The following CNNM2 variants were observed in gnomAD, a reference collection of about 807,000 sequenced individuals.
CNNM2 encodes the protein cyclin and CBS domain divalent metal cation transport mediator 2, also known as metal transporter CNNM2.
In CNNM2, 12 loss-of-function variants were observed where a neutral mutation model predicts 66.9. The ratio of observed to expected loss-of-function variants is 0.18; its 90% CI spans 0.11 to 0.29. The LOEUF is 0.29. Ranked by LOEUF, CNNM2 falls within the 10% of genes least tolerant of loss-of-function variation. CNNM2 has a pLI of 1.00. For synonymous variants in CNNM2, 557 were observed against 501.8 expected (o/e 1.11, Z -1.47); for missense variants, 705 against 1,167.7 (o/e 0.60, Z 5.77).
rs193232316 is a variant in CNNM2, at chr10:103,060,332, C to T, written c.2073+3368C>T. Among the ~76,000 whole-genome samples, 340 of 152,238 alleles carry T rather than the reference C, an allele frequency of 2.2e-3. 4 individuals are homozygous for T. Among genetic ancestry groups the T allele is most frequent in the African/African-American group, 7.7e-3 (321 of 41,532 alleles). On this transcript the variant is annotated intron_variant, in intron 4 of 7. Coordinates refer to ENST00000369878, the MANE Select transcript of CNNM2 (RefSeq NM_017649.5). Reference sequence around the variant, plus strand: ...ATCCCAGAACTTTGGGAGGTTGAGGCGGGCAGATCACTTGAGTCCAGGAGT... The same window carrying T: ...ATCCCAGAACTTTGGGAGGTTGAGGTGGGCAGATCACTTGAGTCCAGGAGT...
At chr10:102,925,152 C>T (rs1260400524) in intron 1 of CNNM2, among the ~76,000 whole-genome samples, 4 of 151,688 alleles carry the variant, frequency 2.6e-5, no homozygotes, top group Admixed American at 6.6e-5. Flanking sequence ...CAAAATTAGC[C>T]GGGCATGGTG....
chr10:103,074,106 G>A (rs768741411), intron 6 of CNNM2, among the ~76,000 whole-genome samples: 4 of 152,080 alleles, frequency 2.6e-5, no homozygotes, highest in Non-Finnish European at 5.9e-5. Context: ...TAGTCAACAC[G>A]GTGAAACCCC....
intron 1 of CNNM2, among the ~76,000 whole-genome samples, chr10:103,046,200 G>A (rs2065124702): frequency 6.6e-6 from 1 of 152,238 alleles, no homozygotes; most frequent in South Asian, 2.1e-4. Context: ...GCTCAGAAAA[G>A]TTATGTTTGG....
intron 1 of CNNM2, among the ~76,000 whole-genome samples, chr10:103,040,410 G>C (rs2065018772): frequency 6.6e-6 from 1 of 151,972 alleles, no homozygotes; most frequent in African/African-American, 2.4e-5. Flanking sequence ...TTAAGAAGGG[G>C]AGAGTGGAGG....
intron 4 of CNNM2, among the ~76,000 whole-genome samples, chr10:103,062,524 A>G (rs2065404937): frequency 6.6e-6 from 1 of 152,236 alleles, no homozygotes; most frequent in Non-Finnish European, 1.5e-5. Flanking sequence ...TGTCAGTATA[A>G]AATTGACTAG....
At chr10:102,924,370 A>G (rs1845771218) in intron 1 of CNNM2, among the ~76,000 whole-genome samples, 1 of 152,210 alleles carries the variant, frequency 6.6e-6, no homozygotes, top group Admixed American at 6.5e-5. Flanking sequence ...CCAGTATTGC[A>G]GAGCATGCTA....
chr10:103,006,136 T>C (rs1434528801), intron 1 of CNNM2, among the ~76,000 whole-genome samples: 2 of 152,346 alleles, frequency 1.3e-5, no homozygotes, highest in South Asian at 2.1e-4. Context: ...CCTTGTCTTA[T>C]TTCCCATTGC....
intron 1 of CNNM2, among the ~76,000 whole-genome samples, chr10:103,039,889 A>G (rs369545343): frequency 2.0e-5 from 3 of 152,148 alleles, no homozygotes; most frequent in African/African-American, 4.8e-5. Flanking sequence ...ATGTGGCCAG[A>G]TGGCAGTGGC....
chr10:102,973,491 G>A (rs1356441545), intron 1 of CNNM2, among the ~76,000 whole-genome samples: 1 of 151,086 alleles, frequency 6.6e-6, no homozygotes, highest in African/African-American at 2.4e-5. Context: ...ATGCATGCTT[G>A]TGCTAATTTT....
At chr10:102,934,226 C>T (rs1446475113) in intron 1 of CNNM2, among the ~76,000 whole-genome samples, 2 of 151,630 alleles carry the variant, frequency 1.3e-5, no homozygotes, top group Admixed American at 6.6e-5. Context: ...AAAAATATGC[C>T]TGGCTGGAGC....
chr10:103,071,969 C>T, intron 6 of CNNM2, 130 bp downstream of exon 6: 1 of 833,350 alleles, frequency 1.2e-6, no homozygotes, highest in Non-Finnish European at 2.1e-6. Context: ...CGCTAAAGCT[C>T]TAAGGTTCCG....
intron 1 of CNNM2, among the ~76,000 whole-genome samples, chr10:102,939,666 C>A (rs1189238353): frequency 2.0e-5 from 3 of 152,118 alleles, no homozygotes; most frequent in Non-Finnish European, 4.4e-5. Flanking sequence ...AATCCATAAG[C>A]ATGTATTTAG....
chr10:102,944,057 A>G (rs1192661073), intron 1 of CNNM2, among the ~76,000 whole-genome samples: 3 of 151,446 alleles, frequency 2.0e-5, no homozygotes, highest in African/African-American at 7.3e-5. Flanking sequence ...AATTCTCTTT[A>G]ATCTTTAAGT....
intron 1 of CNNM2, among the ~76,000 whole-genome samples, chr10:102,976,172 A>G (rs1465356310): frequency 6.6e-6 from 1 of 152,220 alleles, no homozygotes; most frequent in Non-Finnish European, 1.5e-5. Context: ...TAAAACATGC[A>G]TGCTTGTGCT....
At chr10:102,999,652 C>T (rs2134253456) in intron 1 of CNNM2, among the ~76,000 whole-genome samples, 1 of 152,164 alleles carries the variant, frequency 6.6e-6, no homozygotes, top group Middle Eastern at 3.4e-3. Context: ...CTGCCCTTCC[C>T]CCCCCACCTC....
chr10:103,030,481 G>A (rs1437610026), intron 1 of CNNM2, among the ~76,000 whole-genome samples: 6 of 152,272 alleles, frequency 3.9e-5, no homozygotes, highest in Non-Finnish European at 8.8e-5. Flanking sequence ...TTGGGAGGCC[G>A]AGGCAGGTGG....
chr10:102,964,516 A>C (rs1472339686), intron 1 of CNNM2, among the ~76,000 whole-genome samples: 2 of 152,178 alleles, frequency 1.3e-5, no homozygotes. Flanking sequence ...CTCATGAGCC[A>C]CTGCGCCTGG....
intron 1 of CNNM2, among the ~76,000 whole-genome samples, chr10:103,017,651 A>C (rs1188700359): frequency 6.6e-6 from 1 of 152,146 alleles, no homozygotes; most frequent in Non-Finnish European, 1.5e-5. Flanking sequence ...GTGTTTGATA[A>C]ACAGCAAGAA....
chr10:102,992,463 G>A (rs1427878574), intron 1 of CNNM2, among the ~76,000 whole-genome samples: 1 of 151,726 alleles, frequency 6.6e-6, no homozygotes, highest in Non-Finnish European at 1.5e-5. Context: ...TAGTAGAGAT[G>A]GGTTTCACCA....
Sources: allele counts gnomAD v4.1 joint callset (sites outside exome capture counted in the v4.1 genomes callset), GRCh38; gene constraint gnomAD v4.1.1; transcripts MANE v1.5; gene names NCBI Gene and HGNC (gene_info 2026-07-23, HGNC 2026-07-21).